Variants in NAALADL2 observed in about 807,000 individuals in gnomAD.
NAALADL2 encodes the protein N-acetylated alpha-linked acidic dipeptidase like 2.
A neutral mutation model predicts 87.2 loss-of-function variants in NAALADL2; 76 were observed. The observed-to-expected ratio is 0.87, with a 90% CI of 0.72 to 1.05. The LOEUF is 1.05. NAALADL2 is among the 50% of genes least tolerant of loss of function. NAALADL2 has a pLI of 0.00. For synonymous variants in NAALADL2, 354 were observed against 331.0 expected (o/e 1.07, Z -0.75); for missense variants, 1,089 against 945.8 (o/e 1.15, Z -1.99).
At chr3:175,247,023 AT>A (rs1748122046) in intron 3 of NAALADL2, among the ~76,000 whole-genome samples, 1 of 152,014 alleles carries the variant, frequency 6.6e-6, no homozygotes, top group Non-Finnish European at 1.5e-5. Flanking sequence ...TACATAAATA[AT>A]TTTTCTTTGC....
chr3:174,687,397 T>C (rs1286717470), intron 2 of NAALADL2, among the ~76,000 whole-genome samples: 1 of 152,148 alleles, frequency 6.6e-6, no homozygotes, highest in African/African-American at 2.4e-5. Flanking sequence ...CTCAACACAT[T>C]AGTATATCAA....
At position 175,625,753 on chromosome 3, in the gene NAALADL2, C is replaced by T. The variant is rs544122202; in HGVS notation, c.1801-1538C>T. On this transcript the variant is annotated intron_variant, in intron 10 of 13. Coordinates refer to ENST00000454872, the MANE Select transcript of NAALADL2 (RefSeq NM_207015.3). ...TATTCATGGTATGATCTTGGGCTAG[C>T]GCTGGAACTCACTGGTTCTCATTTG... Among the ~76,000 whole-genome samples the T allele has an allele frequency of 9.2e-5, 14 of 151,962 alleles. No individual in the cohort carries two copies. In the East Asian group the frequency reaches 1.4e-3, roughly 15 times the overall value.
At chr3:174,819,080 T>C (rs1721130489) in intron 3 of NAALADL2, among the ~76,000 whole-genome samples, 1 of 133,906 alleles carries the variant, frequency 7.5e-6, no homozygotes, top group African/African-American at 2.8e-5. Flanking sequence ...TTTTTTTTTT[T>C]TTTTTTGGAG....
At chr3:174,885,289 C>G (rs1040459651) in intron 1 of NAALADL2, among the ~76,000 whole-genome samples, 2 of 152,074 alleles carry the variant, frequency 1.3e-5, no homozygotes, top group Non-Finnish European at 2.9e-5. Flanking sequence ...AGCTCTTTGT[C>G]TGTAGGAGAT....
intron 9 of NAALADL2, among the ~76,000 whole-genome samples, chr3:175,476,682 G>A (rs922611108): frequency 1.3e-5 from 2 of 152,166 alleles, no homozygotes; most frequent in Middle Eastern, 3.4e-3. Context: ...TTCTTCTTGT[G>A]TGAGGGCGAC....
intron 10 of NAALADL2, among the ~76,000 whole-genome samples, chr3:175,589,143 G>A (rs915501214): frequency 5.3e-5 from 8 of 152,148 alleles, no homozygotes; most frequent in Non-Finnish European, 7.3e-5. Context: ...GGGAGTGTTG[G>A]TTAAGAATTT....
At chr3:175,623,939 G>A (rs1222945848) in intron 10 of NAALADL2, among the ~76,000 whole-genome samples, 1 of 71,252 alleles carries the variant, frequency 1.4e-5, no homozygotes, top group Non-Finnish European at 3.5e-5. Flanking sequence ...CTCTTGAGGT[G>A]TAAATGAAAA....
chr3:174,604,736 C>A (rs1025557325), intron 2 of NAALADL2, among the ~76,000 whole-genome samples: 1 of 150,886 alleles, frequency 6.6e-6, no homozygotes, highest in Admixed American at 6.6e-5. Flanking sequence ...TTTGTGTCTC[C>A]ACTGTATGTT....
chr3:174,763,704 T>C (rs1578832800), intron 3 of NAALADL2, among the ~76,000 whole-genome samples: 1 of 144,782 alleles, frequency 6.9e-6, no homozygotes, highest in Non-Finnish European at 1.5e-5. Flanking sequence ...GGGTAGAAAA[T>C]GAAAAATAAC....
intron 5 of NAALADL2, among the ~76,000 whole-genome samples, chr3:175,328,954 G>A (rs929827892): frequency 6.6e-6 from 1 of 152,176 alleles, no homozygotes; most frequent in Non-Finnish European, 1.5e-5. Flanking sequence ...TCAGCAGTAA[G>A]ATTGTCTGAA....
chr3:175,710,569 T>A (rs1269822733), intron 11 of NAALADL2, among the ~76,000 whole-genome samples: 1 of 148,134 alleles, frequency 6.8e-6, no homozygotes, highest in Non-Finnish European at 1.5e-5. Context: ...TTTATATATG[T>A]GTAAATACGT....
chr3:175,009,814 G>A (rs529923762), intron 1 of NAALADL2, among the ~76,000 whole-genome samples: 150 of 152,098 alleles, frequency 9.9e-4, no homozygotes, highest in African/African-American at 3.5e-3. Flanking sequence ...TCTAGGTCTG[G>A]TTACAACATA....
At chr3:174,878,398 T>C (rs3849523) in intron 1 of NAALADL2, among the ~76,000 whole-genome samples, 17,789 of 152,052 alleles carry the variant, frequency 0.12, 1,149 homozygotes, top group Middle Eastern at 0.14. Context: ...TCTGACAAAA[T>C]GTATGGCCTA....
At chr3:174,778,220 T>C (rs1715457098) in intron 3 of NAALADL2, among the ~76,000 whole-genome samples, 1 of 152,100 alleles carries the variant, frequency 6.6e-6, no homozygotes, top group Admixed American at 6.6e-5. Context: ...AGGGAGGGCT[T>C]GGAACTTATC....
intron 1 of NAALADL2, among the ~76,000 whole-genome samples, chr3:174,914,413 A>C (rs1734101216): frequency 6.6e-6 from 1 of 152,142 alleles, no homozygotes; most frequent in Non-Finnish European, 1.5e-5. Flanking sequence ...ATGAATATTT[A>C]GTATCATATG....
At chr3:174,653,173 G>T (rs1323880601) in intron 2 of NAALADL2, among the ~76,000 whole-genome samples, 1 of 152,140 alleles carries the variant, frequency 6.6e-6, no homozygotes, top group Admixed American at 6.6e-5. Context: ...CATACTCTAA[G>T]TTCCAACATA....
intron 10 of NAALADL2, among the ~76,000 whole-genome samples, chr3:175,610,533 C>T (rs1724482394): frequency 6.6e-6 from 1 of 152,044 alleles, no homozygotes; most frequent in East Asian, 1.9e-4. Context: ...GTTTTCTGGT[C>T]TTCCAATGAA....
chr3:175,714,715 C>T lies in NAALADL2; in HGVS notation c.1897-22591C>T, dbSNP rs1388466203. Among the ~76,000 whole-genome samples the T allele has an allele frequency of 2.6e-5, 4 of 152,122 alleles. No homozygotes were observed. In the East Asian group the frequency reaches 7.7e-4, roughly 29 times the overall value. On this transcript the variant is annotated intron_variant, in intron 11 of 13. Coordinates refer to ENST00000454872, the MANE Select transcript of NAALADL2 (RefSeq NM_207015.3). Reference sequence around the variant, plus strand: ...TCTGATGATAGTTTATTTTGCTGTGCAGAAGCTCTTTAGTTTAATTAGATC... The same window carrying T: ...TCTGATGATAGTTTATTTTGCTGTGTAGAAGCTCTTTAGTTTAATTAGATC...
intron 2 of NAALADL2, among the ~76,000 whole-genome samples, chr3:174,666,002 T>C (rs1214204131): frequency 6.6e-6 from 1 of 152,172 alleles, no homozygotes; most frequent in Non-Finnish European, 1.5e-5. Flanking sequence ...CAGTATGACC[T>C]TGTCTTAACT....
Sources: allele counts gnomAD v4.1 joint callset (sites outside exome capture counted in the v4.1 genomes callset), GRCh38; gene constraint gnomAD v4.1.1; transcripts MANE v1.5; gene names NCBI Gene and HGNC (gene_info 2026-07-23, HGNC 2026-07-21).